Variants in GPR63 observed in about 807,000 individuals in gnomAD.
The protein encoded by GPR63 is G protein-coupled receptor 63, also known as probable G protein-coupled receptor 63.
In GPR63, 12 loss-of-function variants were observed where a neutral mutation model predicts 23.1. The ratio of observed to expected loss-of-function variants is 0.52; its 90% CI spans 0.33 to 0.84. The LOEUF is 0.84. Among genes scored for constraint, GPR63 ranks in the 40% least tolerant of loss-of-function variants. The pLI is 0.02. For synonymous variants in GPR63, 172 were observed against 191.1 expected (o/e 0.90, Z 0.82); for missense variants, 472 against 515.6 (o/e 0.92, Z 0.82).
chr6:96,799,806 A>C lies in GPR63; in HGVS notation c.-75T>G, dbSNP rs761259416. 1.4e-6 allele frequency: 2 copies of C among 1,453,072 alleles called. No homozygotes were observed. The highest frequency in any genetic ancestry group is 1.9e-6 in the Non-Finnish European group (2 of 1,034,848). The allele number at this position is 1,453,072 out of a possible 1,614,324, so 90.0% of individuals were successfully genotyped here. A position where few individuals can be genotyped will look rare whatever the true frequency, so the allele number is the denominator to read the frequency against. On this transcript the variant is annotated 5_prime_UTR_variant, in exon 2 of 2. It removes the in-frame stop codon of an upstream open reading frame in the 5' UTR. Coordinates refer to ENST00000229955, the MANE Select transcript of GPR63 (RefSeq NM_030784.4). Reference sequence around the variant, plus strand: ...CATTTCAACACAGAACAGCAGTATCAGGTCCCATTGATGGGCTTGGAAATA... The same window carrying C: ...CATTTCAACACAGAACAGCAGTATCCGGTCCCATTGATGGGCTTGGAAATA...
chr6:96,837,428 TGGC>T lies in GPR63; in HGVS notation c.-314_-312del. On this transcript the variant is annotated 5_prime_UTR_variant, in exon 1 of 2. Coordinates refer to ENST00000229955, the MANE Select transcript of GPR63 (RefSeq NM_030784.4). Reference sequence around the variant, plus strand: ...AAGGAGGACAACGAAGAGGAGGTGGTGGCGGCGGCGGCGATACAGGCGGCGGTG... The same window carrying T: ...AAGGAGGACAACGAAGAGGAGGTGGTGGCGGCGGCGATACAGGCGGCGGTG... 1.9e-5 allele frequency: 3 copies of T among 153,970 alleles called. No homozygotes were observed. Among genetic ancestry groups the T allele is most frequent in the Non-Finnish European group, 4.3e-5 (3 of 69,022 alleles). The allele number at this position is 153,970 out of a possible 1,614,324, so 9.5% of individuals were successfully genotyped here. A position where few individuals can be genotyped will look rare whatever the true frequency, so the allele number is the denominator to read the frequency against.
At chr6:96,807,355 G>T (rs118162119) in intron 1 of GPR63, among the ~76,000 whole-genome samples, 4,153 of 152,316 alleles carry the variant, frequency 0.027, 90 homozygotes, top group Middle Eastern at 0.068. Flanking sequence ...ACTCACTGTG[G>T]CAACACAGGG....
chr6:96,796,558 G>T lies in GPR63; in HGVS notation c.*1914C>A, dbSNP rs1009697710. 3.3e-5 allele frequency: 5 copies of T among 152,210 alleles called. No individual in the cohort carries two copies. The highest frequency in any genetic ancestry group is 7.3e-5 in the Non-Finnish European group (5 of 68,042). The allele number at this position is 152,210 out of a possible 1,614,324, so 9.4% of individuals were successfully genotyped here. A position where few individuals can be genotyped will look rare whatever the true frequency, so the allele number is the denominator to read the frequency against. On this transcript the variant is annotated 3_prime_UTR_variant, in exon 2 of 2. Transcript: ENST00000229955. Reference sequence around the variant, plus strand: ...CCCTAGATGCACCTGGGGGCAGACTGTCAGCAAGAGAAAAACAATTTGAAA... The same window carrying T: ...CCCTAGATGCACCTGGGGGCAGACTTTCAGCAAGAGAAAAACAATTTGAAA...
chr6:96,818,282 T>C (rs1446965442), intron 1 of GPR63, among the ~76,000 whole-genome samples: 2 of 152,002 alleles, frequency 1.3e-5, no homozygotes, highest in Admixed American at 6.6e-5. Flanking sequence ...GCCAACATGG[T>C]GAAAACCCCT....
At chr6:96,833,707 T>C (rs1337542541) in intron 1 of GPR63, among the ~76,000 whole-genome samples, 1 of 152,208 alleles carries the variant, frequency 6.6e-6, no homozygotes, top group Non-Finnish European at 1.5e-5. Flanking sequence ...ATGTAAAGCT[T>C]ATAACTATAA....
chr6:96,823,661 A>C (rs1774365444), intron 1 of GPR63, among the ~76,000 whole-genome samples: 1 of 150,376 alleles, frequency 6.6e-6, no homozygotes, highest in South Asian at 2.1e-4. Context: ...TTAATATCCC[A>C]GACTTTCACG....
At chr6:96,834,589 C>T (rs541351509) in intron 1 of GPR63, among the ~76,000 whole-genome samples, 1 of 150,572 alleles carries the variant, frequency 6.6e-6, no homozygotes, top group African/African-American at 2.4e-5. Context: ...GGAAAAAGTG[C>T]CACCTGCAAC....
chr6:96,836,033 T>C (rs1375289045), intron 1 of GPR63, among the ~76,000 whole-genome samples: 1 of 152,114 alleles, frequency 6.6e-6, no homozygotes, highest in Non-Finnish European at 1.5e-5. Context: ...CACTAAAATT[T>C]TGGCTATGCA....
At chr6:96,823,553 T>C (rs762998752) in intron 1 of GPR63, among the ~76,000 whole-genome samples, 5 of 152,148 alleles carry the variant, frequency 3.3e-5, no homozygotes, top group Admixed American at 6.6e-5. Flanking sequence ...TAAAAGTGTA[T>C]AAAGTAAAAA....
intron 1 of GPR63, among the ~76,000 whole-genome samples, chr6:96,833,089 G>C (rs1230716865): frequency 6.6e-6 from 1 of 152,186 alleles, no homozygotes; most frequent in African/African-American, 2.4e-5. Flanking sequence ...GGTTTATGCA[G>C]GGTTAATCAA....
At position 96,804,141 on chromosome 6, in the gene GPR63, A is replaced by C. The variant is rs79662592; in HGVS notation, c.-150-4260T>G. 2.9e-3 allele frequency among the ~76,000 whole-genome samples: 438 copies of C among 152,260 alleles called. 1 individual carries two copies. The highest frequency in any genetic ancestry group is 0.01 in the African/African-American group (422 of 41,556). ...GTGTTTTATATTTGGAGTGTGCCAG[A>C]ATGTCATATTTATTGGGCTTCAGTG... is the stretch of plus-strand genomic sequence containing the variant. On this transcript the variant is annotated intron_variant, in intron 1 of 1. Coordinates refer to ENST00000229955, the MANE Select transcript of GPR63 (RefSeq NM_030784.4).
chr6:96,814,828 C>CA (rs547990040), intron 1 of GPR63, among the ~76,000 whole-genome samples: 21 of 149,426 alleles, frequency 1.4e-4, no homozygotes, highest in African/African-American at 3.7e-4. Context: ...ACAAAATGAC[C>CA]AAAAAAAAAT....
chr6:96,796,227 G>T lies in GPR63; in HGVS notation c.*2245C>A, dbSNP rs1322442992. On this transcript the variant is annotated 3_prime_UTR_variant, in exon 2 of 2. Coordinates refer to ENST00000229955, the MANE Select transcript of GPR63 (RefSeq NM_030784.4). ...AAGAAGTAATACTGGAGACCAAAGG[G>T]TGAGGTGATGCTGAAGTCAGCTAGG... 1 of 152,198 alleles carries T rather than the reference G, an allele frequency of 6.6e-6. No individual in the cohort carries two copies. Among genetic ancestry groups the T allele is most frequent in the East Asian group, 1.9e-4 (1 of 5,196 alleles). 9.4% of individuals were successfully genotyped at this position (152,198 alleles called of 1,614,324 possible). A position where few individuals can be genotyped will look rare whatever the true frequency, so the allele number is the denominator to read the frequency against.
At position 96,829,364 on chromosome 6, in the gene GPR63, A is replaced by G. The variant is rs1363392551; in HGVS notation, c.-151+7904T>C. Reference sequence around the variant, plus strand: ...AAAATATGCTTAGAAATTAGGAAACATGATTCTCATTAACTCATGGATCAA... The same window carrying G: ...AAAATATGCTTAGAAATTAGGAAACGTGATTCTCATTAACTCATGGATCAA... On this transcript the variant is annotated intron_variant, in intron 1 of 1. Transcript: ENST00000229955. Among the ~76,000 whole-genome samples the G allele has an allele frequency of 2.6e-5, 4 of 152,186 alleles. No homozygotes were observed. The East Asian group carries it at 5.8e-4, about 22-fold the overall frequency.
At position 96,799,510 on chromosome 6, in the gene GPR63, C is replaced by A; in HGVS notation, c.222G>T (p.Lys74Asn). Residue 74 changes from lysine to asparagine, a missense_variant, in exon 2 of 2, where the codon AAG (lysine) becomes AAT (asparagine). Lys to Asn is a moderately conservative substitution (Grantham distance 94). Coordinates refer to ENST00000229955, the MANE Select transcript of GPR63 (RefSeq NM_030784.4). ...TAVPTTPAAF[K>N]SLNLPLQITL... ...TGATCTGAAGAGGCAAGTTTAGGCTCTTAAATGCTGCTGGTGTTGTGGGCA... is the reference window on the plus strand; with the variant it reads ...TGATCTGAAGAGGCAAGTTTAGGCTATTAAATGCTGCTGGTGTTGTGGGCA... 6.2e-7 allele frequency: 1 copy of A among 1,614,116 alleles called. No homozygotes were observed. The highest frequency in any genetic ancestry group is 1.1e-5 in the South Asian group (1 of 91,084).
chr6:96,814,972 A>C (rs1457520840), intron 1 of GPR63, among the ~76,000 whole-genome samples: 1 of 152,246 alleles, frequency 6.6e-6, no homozygotes, highest in Non-Finnish European at 1.5e-5. Flanking sequence ...GCTGACTAAA[A>C]AATTAAACTG....
In GPR63 at chr6:96,816,927, C is replaced by G. The variant is rs534583210; in HGVS notation, c.-150-17046G>C. ...ACCAAATATCAGCCTCTAATTAGCT[C>G]GTTTAAGTTTCTTAATATTTATTAA... On this transcript the variant is annotated intron_variant, in intron 1 of 1. Transcript: ENST00000229955. 8.5e-5 allele frequency among the ~76,000 whole-genome samples: 13 copies of G among 152,192 alleles called. No individual in the cohort carries two copies. In the East Asian group the frequency reaches 2.1e-3, roughly 25 times the overall value.
At chr6:96,829,840 C>T (rs1210752549) in intron 1 of GPR63, among the ~76,000 whole-genome samples, 1 of 151,684 alleles carries the variant, frequency 6.6e-6, no homozygotes, top group East Asian at 1.9e-4. Context: ...CAGAAATAAA[C>T]CTAAAAACAT....
At chr6:96,826,468 A>G (rs1774440951) in intron 1 of GPR63, among the ~76,000 whole-genome samples, 1 of 152,208 alleles carries the variant, frequency 6.6e-6, no homozygotes, top group South Asian at 2.1e-4. Flanking sequence ...TGAAATTAAA[A>G]AGAGAAAGGT....
Sources: allele counts gnomAD v4.1 joint callset (sites outside exome capture counted in the v4.1 genomes callset), GRCh38; gene constraint gnomAD v4.1.1; transcripts MANE v1.5; gene names NCBI Gene and HGNC (gene_info 2026-07-23, HGNC 2026-07-21).